The following NELL2 variants were observed in gnomAD, a reference collection of about 807,000 sequenced individuals.
NELL2 encodes neural EGFL like 2.
Under a neutral mutation model 109.6 loss-of-function variants are expected in NELL2, and 41 were observed. That is an observed-to-expected ratio of 0.37 (90% CI 0.29 to 0.49). NELL2 has a LOEUF of 0.49. Ranked by LOEUF, NELL2 falls within the 20% of genes least tolerant of loss-of-function variation. The pLI, the probability that NELL2 is intolerant of heterozygous loss-of-function variation, is 0.98. For synonymous variants in NELL2, 355 were observed against 344.7 expected (o/e 1.03, Z -0.33); for missense variants, 900 against 1,008.3 (o/e 0.89, Z 1.45).
At chr12:44,759,705 C>T (rs1286165350) in intron 9 of NELL2, among the ~76,000 whole-genome samples, 1 of 152,204 alleles carries the variant, frequency 6.6e-6, no homozygotes, top group Non-Finnish European at 1.5e-5. Flanking sequence ...TCCTCCATCT[C>T]AACCATTGAC....
intron 9 of NELL2, among the ~76,000 whole-genome samples, chr12:44,717,010 G>T (rs1938525062): frequency 6.6e-6 from 1 of 151,904 alleles, no homozygotes; most frequent in Non-Finnish European, 1.5e-5. Context: ...AATGAATGAG[G>T]TCACAATTGC....
At chr12:44,745,771 C>T (rs1463770288) in intron 9 of NELL2, among the ~76,000 whole-genome samples, 1 of 152,136 alleles carries the variant, frequency 6.6e-6, no homozygotes, top group Non-Finnish European at 1.5e-5. Flanking sequence ...AGGACAACTA[C>T]AAACCACTGC....
At chr12:44,845,616 A>G (rs1944347430) in intron 2 of NELL2, among the ~76,000 whole-genome samples, 1 of 152,186 alleles carries the variant, frequency 6.6e-6, no homozygotes, top group Admixed American at 6.5e-5. Flanking sequence ...AGGCAGTCCT[A>G]AGGTAAAAAT....
At chr12:44,698,353 T>C (rs933016443) in intron 12 of NELL2, among the ~76,000 whole-genome samples, 2 of 152,114 alleles carry the variant, frequency 1.3e-5, no homozygotes, top group African/African-American at 4.8e-5. Flanking sequence ...GGCTAATGGA[T>C]AAATAGCTAC....
At chr12:44,837,980 G>T (rs17655369) in intron 2 of NELL2, among the ~76,000 whole-genome samples, 1,672 of 152,234 alleles carry the variant, frequency 0.011, 17 homozygotes, top group Non-Finnish European at 0.015. Flanking sequence ...CTAAAGATGT[G>T]AACTATGGCC....
chr12:44,849,563 G>A (rs932291780), intron 2 of NELL2, among the ~76,000 whole-genome samples: 5 of 152,092 alleles, frequency 3.3e-5, no homozygotes, highest in African/African-American at 1.2e-4. Context: ...AGTACAAAAT[G>A]GTACAATCAC....
At chr12:44,794,280 A>C (rs544877861) in intron 3 of NELL2, among the ~76,000 whole-genome samples, 2 of 152,196 alleles carry the variant, frequency 1.3e-5, no homozygotes, top group Admixed American at 6.5e-5. Flanking sequence ...ACTCAGAACA[A>C]TACTCAGTAC....
intron 9 of NELL2, among the ~76,000 whole-genome samples, chr12:44,723,291 A>G (rs1412356451): frequency 6.6e-6 from 1 of 152,198 alleles, no homozygotes; most frequent in Non-Finnish European, 1.5e-5. Context: ...GCCCAGGTAG[A>G]GCTAAGTTGA....
chr12:44,580,845 A>G (rs1944297183), intron 15 of NELL2, among the ~76,000 whole-genome samples: 1 of 152,198 alleles, frequency 6.6e-6, no homozygotes, highest in Non-Finnish European at 1.5e-5. Flanking sequence ...ATTTCAGCTC[A>G]TTTTATATAA....
At chr12:44,686,263 C>T (rs1010746419) in intron 12 of NELL2, among the ~76,000 whole-genome samples, 9 of 152,200 alleles carry the variant, frequency 5.9e-5, no homozygotes, top group Non-Finnish European at 8.8e-5. Context: ...TTTTCAGCTC[C>T]ATCAGCTCCT....
intron 8 of NELL2, among the ~76,000 whole-genome samples, chr12:44,775,269 A>AGG (rs1408541481): frequency 3.9e-5 from 6 of 152,142 alleles, no homozygotes; most frequent in African/African-American, 1.4e-4. Context: ...ACACACACAC[A>AGG]CAGTTCTGAA....
At chr12:44,553,146 C>T (rs949027710) in intron 15 of NELL2, among the ~76,000 whole-genome samples, 7 of 147,420 alleles carry the variant, frequency 4.7e-5, no homozygotes, top group African/African-American at 1.7e-4. Context: ...GGAGGGATAG[C>T]ATTGGGAGAT....
In NELL2 at chr12:44,820,379, C is replaced by T. The variant is rs1388387473; in HGVS notation, c.185-4243G>A. On this transcript the variant is annotated intron_variant, in intron 2 of 19. Transcript: ENST00000429094. ...ATCCCAGCACTTTGGGAGTCCGAAG[C>T]GGACAGATCACGAGGTCAGGAGATT... Among the ~76,000 whole-genome samples the T allele has an allele frequency of 3.3e-5, 5 of 151,982 alleles. No homozygotes were observed. In the South Asian group the frequency reaches 1.0e-3, roughly 32 times the overall value.
intron 13 of NELL2, among the ~76,000 whole-genome samples, chr12:44,659,720 A>G (rs966185592): frequency 2.0e-5 from 3 of 152,238 alleles, no homozygotes; most frequent in Admixed American, 6.5e-5. Context: ...ATTCAATGCT[A>G]TAAAAAGTTA....
At chr12:44,806,054 C>T (rs1006586469) in intron 3 of NELL2, among the ~76,000 whole-genome samples, 1 of 151,502 alleles carries the variant, frequency 6.6e-6, no homozygotes. Flanking sequence ...AACATAATCC[C>T]ACCCTTTAGA....
chr12:44,880,744 G>C (rs1300492936), upstream of NELL2: 1 of 151,958 alleles, frequency 6.6e-6, no homozygotes, highest in Non-Finnish European at 1.5e-5. Context: ...AAGTATTTGA[G>C]GACTCTGAAA....
chr12:44,622,631 G>A (rs1566035944), intron 13 of NELL2, among the ~76,000 whole-genome samples: 1 of 152,052 alleles, frequency 6.6e-6, no homozygotes, highest in Non-Finnish European at 1.5e-5. Flanking sequence ...TTCCAACATA[G>A]ACAGTCTTTC....
chr12:44,516,900 A>C (rs1358989192), intron 19 of NELL2, among the ~76,000 whole-genome samples: 1 of 133,010 alleles, frequency 7.5e-6, no homozygotes, highest in East Asian at 2.0e-4. Flanking sequence ...TGTAGTTGTG[A>C]CTTTTTTTTT....
At chr12:44,586,725 T>C (rs956189207) in intron 15 of NELL2, among the ~76,000 whole-genome samples, 1 of 152,212 alleles carries the variant, frequency 6.6e-6, no homozygotes. Flanking sequence ...AGTTAGCTTT[T>C]TTCCCATTTA....
Sources: allele counts gnomAD v4.1 joint callset (sites outside exome capture counted in the v4.1 genomes callset), GRCh38; gene constraint gnomAD v4.1.1; transcripts MANE v1.5; gene names NCBI Gene and HGNC (gene_info 2026-07-23, HGNC 2026-07-21).